Variants in CSMD1 observed in about 807,000 individuals in gnomAD.
CSMD1 encodes the protein CUB and sushi domain-containing protein 1.
A neutral mutation model predicts 417.5 loss-of-function variants in CSMD1; 213 were observed. The observed-to-expected ratio is 0.51, with a 90% confidence interval of 0.46 to 0.57. The LOEUF is 0.57. Ranked by LOEUF, CSMD1 falls within the 20% of genes least tolerant of loss-of-function variation. CSMD1 has a pLI of 0.00. For synonymous variants in CSMD1, 2,862 were observed against 1,736.8 expected, an observed-to-expected ratio of 1.65 and a Z score of -16.11; for missense variants, 6,923 against 4,529.7, an observed-to-expected ratio of 1.53 and a Z score of -15.17.
rs145994121 is a variant in CSMD1, at chr8:4,881,029, C to G, written c.85+113303G>C. ...TCCTTTCCCACCTATCCAAATCCTC[C>G]CATTTTTCAGGGCTCAGTTCCCAAC... On this transcript the variant is annotated intron_variant, in intron 1 of 69. Coordinates refer to ENST00000635120, the MANE Select transcript of CSMD1 (RefSeq NM_033225.6). Among the ~76,000 whole-genome samples, 627 of 152,044 alleles carry G rather than the reference C, an allele frequency of 4.1e-3. 9 individuals are homozygous for G. The highest frequency in any genetic ancestry group is 0.014 in the Middle Eastern group (4 of 294).
At chr8:4,181,470 A>G (rs1207363828) in intron 3 of CSMD1, among the ~76,000 whole-genome samples, 1 of 152,016 alleles carries the variant, frequency 6.6e-6, no homozygotes, top group Non-Finnish European at 1.5e-5. Flanking sequence ...CAGAAAATAC[A>G]CTAACACTAA....
At chr8:3,435,536 C>A (rs1814502776) in intron 12 of CSMD1, among the ~76,000 whole-genome samples, 1 of 152,144 alleles carries the variant, frequency 6.6e-6, no homozygotes, top group Non-Finnish European at 1.5e-5. Context: ...CTCTGTCCAC[C>A]TCTCCGCCTG....
intron 7 of CSMD1, among the ~76,000 whole-genome samples, chr8:3,691,373 A>T (rs7002750): frequency 6.6e-6 from 1 of 151,758 alleles, no homozygotes; most frequent in Non-Finnish European, 1.5e-5. Context: ...TCTCAAAAAA[A>T]AAAACAAAAC....
intron 3 of CSMD1, among the ~76,000 whole-genome samples, chr8:4,162,777 T>C (rs1584937388): frequency 6.6e-6 from 1 of 152,158 alleles, no homozygotes; most frequent in Non-Finnish European, 1.5e-5. Context: ...CAGTTTACAA[T>C]AGGGTTCACT....
chr8:4,164,401 A>G (rs1183443017), intron 3 of CSMD1, among the ~76,000 whole-genome samples: 1 of 152,184 alleles, frequency 6.6e-6, no homozygotes, highest in African/African-American at 2.4e-5. Context: ...CATTCAGGTA[A>G]GTGATGCTAA....
chr8:4,224,812 T>A (rs1170853568), intron 3 of CSMD1, among the ~76,000 whole-genome samples: 1 of 152,226 alleles, frequency 6.6e-6, no homozygotes, highest in Non-Finnish European at 1.5e-5. Context: ...ATAATATTCC[T>A]CATCATGGGA....
intron 5 of CSMD1, among the ~76,000 whole-genome samples, chr8:3,764,748 T>C (rs1321272316): frequency 1.3e-5 from 2 of 150,446 alleles, no homozygotes; most frequent in Non-Finnish European, 3.0e-5. Context: ...TCTTTTTTTT[T>C]TTTTTTTTTT....
intron 5 of CSMD1, among the ~76,000 whole-genome samples, chr8:3,970,660 G>C (rs994199493): frequency 6.6e-6 from 1 of 152,182 alleles, no homozygotes; most frequent in East Asian, 1.9e-4. Flanking sequence ...TGAACATCAA[G>C]TAGCACGTGG....
At chr8:4,335,131 G>C (rs1800095212) in intron 3 of CSMD1, among the ~76,000 whole-genome samples, 1 of 152,028 alleles carries the variant, frequency 6.6e-6, no homozygotes, top group African/African-American at 2.4e-5. Context: ...TCAACTTCTG[G>C]ACTCAAGTGA....
intron 3 of CSMD1, among the ~76,000 whole-genome samples, chr8:4,161,664 C>T (rs190987917): frequency 6.6e-6 from 1 of 152,192 alleles, no homozygotes; most frequent in Admixed American, 6.5e-5. Context: ...TCAACAACAG[C>T]CATAAAAATT....
intron 69 of CSMD1, 136 bp from the exon 70 acceptor site, chr8:2,938,880 C>T: frequency 1.6e-6 from 1 of 627,026 alleles, no homozygotes; most frequent in East Asian, 2.9e-5. Flanking sequence ...GGAAGGCATC[C>T]ACACCTGCAC....
intron 1 of CSMD1, among the ~76,000 whole-genome samples, chr8:4,781,579 G>T (rs554476776): frequency 6.6e-5 from 10 of 152,298 alleles, no homozygotes; most frequent in Admixed American, 1.3e-4. Context: ...GGGTCAATTA[G>T]ATCTTATTTC....
chr8:4,582,445 A>C (rs1160399835), intron 2 of CSMD1, among the ~76,000 whole-genome samples: 2 of 152,120 alleles, frequency 1.3e-5, no homozygotes, highest in Admixed American at 1.3e-4. Context: ...GAAAGAAAAC[A>C]CAGAGTGGTG....
intron 6 of CSMD1, among the ~76,000 whole-genome samples, chr8:3,724,717 C>G (rs1184429028): frequency 1.3e-5 from 2 of 152,168 alleles, no homozygotes; most frequent in Admixed American, 1.3e-4. Context: ...TTTTTATTTA[C>G]ACTGCCTTCT....
At chr8:3,467,129 T>C (rs931446505) in intron 12 of CSMD1, among the ~76,000 whole-genome samples, 3 of 152,166 alleles carry the variant, frequency 2.0e-5, no homozygotes, top group Non-Finnish European at 4.4e-5. Context: ...ATAATTAATG[T>C]GGTGTGGTCA....
rs530766161 is a variant in CSMD1, at chr8:2,973,053, CATT to C, written c.8923+61_8923+63del. ...AGAATTTTTGTAGAATTTTGCCAGG[CATT>C]TTAGAACGAGCTGTGTGGTTTTAAC... is the stretch of plus-strand genomic sequence containing the variant. On this transcript the variant is annotated intron_variant, in intron 57 of 69. Coordinates refer to ENST00000635120, the MANE Select transcript of CSMD1 (RefSeq NM_033225.6). 1.7e-5 allele frequency: 25 copies of C among 1,495,816 alleles called. No homozygotes were observed. The East Asian group carries it at 5.7e-4, about 34-fold the overall frequency. The allele number at this position is 1,495,816 out of a possible 1,614,324, so 92.7% of individuals were successfully genotyped here.
chr8:3,198,167 G>A (rs1314213825), intron 33 of CSMD1, among the ~76,000 whole-genome samples: 2 of 152,056 alleles, frequency 1.3e-5, no homozygotes, highest in Non-Finnish European at 2.9e-5. Context: ...GACAACATTT[G>A]CATATAAGAC....
intron 7 of CSMD1, among the ~76,000 whole-genome samples, chr8:3,661,599 T>C (rs567658880): frequency 6.6e-6 from 1 of 152,062 alleles, no homozygotes; most frequent in South Asian, 2.1e-4. Flanking sequence ...CGGGTTCAAG[T>C]GATTCTCCCG....
chr8:3,599,300 T>C (rs1043763437), intron 8 of CSMD1, among the ~76,000 whole-genome samples: 3 of 148,650 alleles, frequency 2.0e-5, no homozygotes, highest in Non-Finnish European at 4.5e-5. Flanking sequence ...TATGTGTGGG[T>C]GCTGAGAACA....
Sources: gnomAD v4.1 joint callset for allele counts (sites outside exome capture counted in the v4.1 genomes callset) on GRCh38, gnomAD v4.1.1 for gene constraint, MANE v1.5 for transcripts, NCBI Gene and HGNC (gene_info 2026-07-23, HGNC 2026-07-21) for gene names.